The following FRMPD1 variants were observed in gnomAD, a reference collection of about 807,000 sequenced individuals.
FRMPD1 encodes the protein FERM and PDZ domain containing 1.
Under a neutral mutation model 117.8 loss-of-function variants are expected in FRMPD1, and 76 were observed. That is an observed-to-expected ratio of 0.65 (90% CI 0.54 to 0.78). FRMPD1 has a LOEUF of 0.78. FRMPD1 is among the 30% of genes least tolerant of loss of function. FRMPD1 has a pLI of 0.00. For missense variants in FRMPD1, 1,786 were observed against 1,964.5 expected, an observed-to-expected ratio of 0.91 and a Z score of 1.72; for synonymous variants, 783 against 770.4, an observed-to-expected ratio of 1.02 and a Z score of -0.27.
the FRMPD1 span, among the ~76,000 whole-genome samples, chr9:37,632,125 A>C: frequency 6.6e-6 from 1 of 152,112 alleles, no homozygotes; most frequent in Non-Finnish European, 1.5e-5. Flanking sequence ...TTAAACCTAC[A>C]TTTTTTTACT....
At chr9:37,693,111 C>G (rs1822205483) in intron 2 of FRMPD1, 1 of 206,044 alleles carries the variant, frequency 4.9e-6, no homozygotes, top group African/African-American at 2.3e-5. Flanking sequence ...CTGACACACA[C>G]ACAGACACAC....
intron 2 of FRMPD1, among the ~76,000 whole-genome samples, chr9:37,694,326 A>G (rs1822247290): frequency 6.6e-6 from 1 of 152,220 alleles, no homozygotes; most frequent in African/African-American, 2.4e-5. Context: ...GGCTCTGAGA[A>G]GTCTCGCAGA....
chr9:37,734,273 G>C (rs1204627708), intron 12 of FRMPD1, among the ~76,000 whole-genome samples: 1 of 152,186 alleles, frequency 6.6e-6, no homozygotes, highest in African/African-American at 2.4e-5. Context: ...ATGGTAAGCA[G>C]TTCACTCTGG....
At chr9:37,650,429 T>TACAGAGACAGGGGAGGTGGTCC (rs1820630491), upstream of FRMPD1, among the ~76,000 whole-genome samples, 1 of 151,986 alleles carries the variant, frequency 6.6e-6, no homozygotes, top group Non-Finnish European at 1.5e-5. Context: ...GGAAGGAGTT[T>TACAGAGACAGGGGAGGTGGTCC]ACAGAGACAG....
chr9:37,738,515 C>T (rs1824237954), intron 14 of FRMPD1, among the ~76,000 whole-genome samples: 1 of 151,940 alleles, frequency 6.6e-6, no homozygotes, highest in East Asian at 1.9e-4. Flanking sequence ...AATTTTTGTA[C>T]ATTAGTAGAG....
At position 37,735,588 on chromosome 9, in the gene FRMPD1, G is replaced by A; in HGVS notation, c.1255G>A (p.Gly419Arg). 6.2e-7 allele frequency: 1 copy of A among 1,613,928 alleles called. No individual in the cohort carries two copies. Among genetic ancestry groups the A allele is most frequent in the South Asian group, 1.1e-5 (1 of 91,074 alleles). The change falls in exon 13 of 16, where the codon GGA (glycine) becomes AGA (arginine). Residue 419 changes from glycine (G) to arginine (R), a missense_variant. Transcript: ENST00000377765. ...DRESYIALLVGAKYGISQVIN... is the reference protein window; with the variant it reads ...DRESYIALLVRAKYGISQVIN... ...AGAATCCTACATTGCCCTTCTAGTTGGAGCCAAGTATGGGATTAGCCAGGT... is the reference window on the plus strand; with the variant it reads ...AGAATCCTACATTGCCCTTCTAGTTAGAGCCAAGTATGGGATTAGCCAGGT...
In FRMPD1 at chr9:37,745,176, C is replaced by T; in HGVS notation, c.3144C>T (p.Pro1048=). ...QGDTLELQLE[P]HVQLEMGLES... is the part of the protein sequence containing the mutation. ...ACACACTAGAGCTCCAGTTGGAGCC[C>T]CATGTCCAGTTGGAAATGGGATTGG... The change falls in exon 16 of 16, where the codon CCC becomes CCT. Residue 1048 remains proline, a synonymous_variant. Coordinates refer to ENST00000377765, the MANE Select transcript of FRMPD1 (RefSeq NM_014907.3). 1.9e-6 allele frequency: 3 copies of T among 1,613,988 alleles called. No homozygotes were observed. The highest frequency in any genetic ancestry group is 2.2e-5 in the South Asian group (2 of 91,078).
chr9:37,660,388 A>G (rs1183404727), intron 1 of FRMPD1, among the ~76,000 whole-genome samples: 2 of 152,092 alleles, frequency 1.3e-5, no homozygotes, highest in Non-Finnish European at 2.9e-5. Flanking sequence ...AGAAAGATGG[A>G]TAGAACAGTG....
At chr9:37,672,070 T>C (rs1287460211) in intron 1 of FRMPD1, among the ~76,000 whole-genome samples, 1 of 152,188 alleles carries the variant, frequency 6.6e-6, no homozygotes, top group Non-Finnish European at 1.5e-5. Flanking sequence ...GGACTGCTAA[T>C]GAGTATGAGG....
intron 2 of FRMPD1, among the ~76,000 whole-genome samples, chr9:37,702,935 TCC>T (rs1160166111): frequency 6.6e-6 from 1 of 152,182 alleles, no homozygotes; most frequent in African/African-American, 2.4e-5. Flanking sequence ...TTTTGAGTTT[TCC>T]CACTATTCTA....
chr9:37,698,988 C>T (rs1227937448), intron 2 of FRMPD1, among the ~76,000 whole-genome samples: 2 of 152,098 alleles, frequency 1.3e-5, no homozygotes, highest in African/African-American at 4.8e-5. Context: ...ATCCACCTGC[C>T]TCGGCCTCCC....
chr9:37,623,624 C>A, the FRMPD1 span, among the ~76,000 whole-genome samples: 1 of 152,276 alleles, frequency 6.6e-6, no homozygotes, highest in East Asian at 1.9e-4. Context: ...GAGAGCCCTG[C>A]ATGCTGGGCC....
intron 1 of FRMPD1, among the ~76,000 whole-genome samples, chr9:37,664,488 A>G (rs1272659690): frequency 6.6e-6 from 1 of 151,094 alleles, no homozygotes; most frequent in Non-Finnish European, 1.5e-5. Flanking sequence ...CACCCCCGAC[A>G]GGCCCCGGTG....
At chr9:37,632,875 A>C in the FRMPD1 span, among the ~76,000 whole-genome samples, 4 of 150,112 alleles carry the variant, frequency 2.7e-5, no homozygotes, top group Non-Finnish European at 4.4e-5. Flanking sequence ...AGGTTAAAAA[A>C]ATCCCCACAA....
At chr9:37,652,473 G>T (rs988311297) in intron 1 of FRMPD1, among the ~76,000 whole-genome samples, 1 of 152,254 alleles carries the variant, frequency 6.6e-6, no homozygotes, top group Non-Finnish European at 1.5e-5. Context: ...TGGGTGAAAC[G>T]CATTACCACG....
chr9:37,742,203 G>A (rs764229447), intron 15 of FRMPD1, among the ~76,000 whole-genome samples: 1 of 152,182 alleles, frequency 6.6e-6, no homozygotes, highest in Non-Finnish European at 1.5e-5. Context: ...AAGGAAAGGA[G>A]AAACCATGGC....
At chr9:37,698,360 A>G (rs1395917938) in intron 2 of FRMPD1, among the ~76,000 whole-genome samples, 1 of 151,884 alleles carries the variant, frequency 6.6e-6, no homozygotes, top group Non-Finnish European at 1.5e-5. Context: ...ATTAATTGTG[A>G]GTGATCTTTG....
At chr9:37,666,402 C>T (rs1469751605) in intron 1 of FRMPD1, among the ~76,000 whole-genome samples, 1 of 152,154 alleles carries the variant, frequency 6.6e-6, no homozygotes, top group Non-Finnish European at 1.5e-5. Context: ...CACTCCTACC[C>T]CGATACCTCC....
At chr9:37,691,995 T>C (rs1327079156) in intron 1 of FRMPD1, among the ~76,000 whole-genome samples, 1 of 152,016 alleles carries the variant, frequency 6.6e-6, no homozygotes, top group African/African-American at 2.4e-5. Context: ...GGGAACTGGG[T>C]GGGTAGGAGC....
Sources: gnomAD v4.1 joint callset for allele counts (sites outside exome capture counted in the v4.1 genomes callset) on GRCh38, gnomAD v4.1.1 for gene constraint, MANE v1.5 for transcripts, NCBI Gene and HGNC (gene_info 2026-07-23, HGNC 2026-07-21) for gene names.